The following LCOR variants were observed in gnomAD, a reference collection of about 807,000 sequenced individuals.
LCOR encodes ligand-dependent corepressor.
In LCOR, 14 loss-of-function variants were observed where a neutral mutation model predicts 64.4. The ratio of observed to expected loss-of-function variants is 0.22; its 90% CI spans 0.14 to 0.34. The LOEUF (loss-of-function observed/expected upper bound fraction) is 0.34. Ranked by LOEUF, LCOR falls within the 10% of genes least tolerant of loss-of-function variation. The pLI is 1.00. For synonymous variants in LCOR, 643 were observed against 642.5 expected (o/e 1.00, Z -0.01); for missense variants, 1,686 against 1,765.3 (o/e 0.96, Z 0.80).
intron 2 of LCOR, among the ~76,000 whole-genome samples, chr10:96,875,787 A>G (rs980631473): frequency 6.6e-6 from 1 of 151,978 alleles, no homozygotes; most frequent in African/African-American, 2.4e-5. Context: ...GCTTGAGCAC[A>G]GGAGGTTCAT....
intron 4 of LCOR, among the ~76,000 whole-genome samples, chr10:96,910,486 C>T (rs1846810839): frequency 1.3e-5 from 2 of 152,118 alleles, no homozygotes; most frequent in African/African-American, 4.8e-5. Context: ...TACAGTATTT[C>T]TTTAGTTGTG....
At chr10:96,914,152 A>G (rs990268177) in intron 4 of LCOR, among the ~76,000 whole-genome samples, 2 of 152,140 alleles carry the variant, frequency 1.3e-5, no homozygotes, top group African/African-American at 4.8e-5. Flanking sequence ...CAATTCGTGA[A>G]TATGCATTGT....
intron 7 of LCOR, among the ~76,000 whole-genome samples, chr10:96,978,251 C>T (rs1164819167): frequency 2.6e-5 from 4 of 152,220 alleles, no homozygotes; most frequent in Admixed American, 6.5e-5. Flanking sequence ...TGGAAATGTC[C>T]TAACAATCAC....
intron 7 of LCOR, chr10:96,959,197 C>A (rs1175265380): frequency 4.0e-5 from 6 of 151,750 alleles, no homozygotes; most frequent in Non-Finnish European, 7.4e-5. Context: ...GATGTCCTCA[C>A]AATGTGTAAT....
At chr10:96,948,717 C>T (rs1164834266) in intron 5 of LCOR, among the ~76,000 whole-genome samples, 1 of 152,092 alleles carries the variant, frequency 6.6e-6, no homozygotes, top group Non-Finnish European at 1.5e-5. Context: ...TTTGGGATTT[C>T]TGTATCAGGT....
chr10:96,882,171 A>AT, intron 2 of LCOR, among the ~76,000 whole-genome samples: 1 of 152,358 alleles, frequency 6.6e-6, no homozygotes, highest in South Asian at 2.1e-4. Flanking sequence ...ACAAAAAAAA[A>AT]GTGGGAAAAG....
At chr10:96,944,379 C>A in intron 5 of LCOR, 134 bp downstream of exon 5, 1 of 406,630 alleles carries the variant, frequency 2.5e-6, no homozygotes, top group Non-Finnish European at 3.3e-6. Context: ...TTCTATATAC[C>A]TTGGGTCAAG....
In LCOR at chr10:96,870,547, G is replaced by A. The variant is rs908386890; in HGVS notation, c.-329-36718G>A. ...AGATCTCATAGACTCTTCAGATCTT[G>A]TAGACTAATTTCAAGTCTTTTTAAA... On this transcript the variant is annotated intron_variant, in intron 2 of 7. Transcript: ENST00000421806. Among the ~76,000 whole-genome samples, 5 of 152,310 alleles carry A rather than the reference G, an allele frequency of 3.3e-5. No individual in the cohort carries two copies. In the South Asian group the frequency reaches 6.2e-4, roughly 19 times the overall value.
Position 96,983,464 on chromosome 10 carries a change from A to G in LCOR, c.3004A>G (p.Lys1002Glu). The change falls in exon 8 of 8, where the codon AAA becomes GAA. Residue 1002 changes from lysine (K) to glutamate (E), a missense_variant. Lys to Glu is a moderately conservative substitution (Grantham distance 56). This residue lies in a region of LCOR where 1,293 missense variants were observed against 1,410.4 expected (regional missense o/e 0.92). Coordinates refer to ENST00000421806, the MANE Select transcript of LCOR (RefSeq NM_001346516.2). The surrounding 1 kb of genome is among the most constrained non-coding windows in gnomAD (Gnocchi z 4.5). ...GGTAGACAACGAAAACACCCAGCAG[A>G]AAGATGATGAGAGTGATGCCCCATG... ...NEVDNENTQQKDDESDAPCSS... is the reference protein window; with the variant it reads ...NEVDNENTQQEDDESDAPCSS... 6.2e-7 allele frequency: 1 copy of G among 1,614,148 alleles called. No homozygotes were observed. Among genetic ancestry groups the G allele is most frequent in the Non-Finnish European group, 8.5e-7 (1 of 1,180,036 alleles).
chr10:96,958,119 AC>A (rs1167158059), intron 7 of LCOR: 2 of 1,161,310 alleles, frequency 1.7e-6, no homozygotes, highest in Non-Finnish European at 2.1e-6. Context: ...CAGCCATAGT[AC>A]CTTTTTGCGT....
At chr10:96,969,645 G>A (rs925597839) in intron 7 of LCOR, among the ~76,000 whole-genome samples, 1 of 152,124 alleles carries the variant, frequency 6.6e-6, no homozygotes, top group African/African-American at 2.4e-5. Flanking sequence ...GGAAGAAGTT[G>A]GGGACAATTA....
intron 2 of LCOR, among the ~76,000 whole-genome samples, chr10:96,889,279 G>C (rs1041205839): frequency 1.3e-5 from 2 of 152,020 alleles, no homozygotes; most frequent in African/African-American, 2.4e-5. Context: ...GCATATTTTT[G>C]AAGTTCATCC....
chr10:96,956,511 C>T, intron 7 of LCOR: 1 of 982,610 alleles, frequency 1.0e-6, no homozygotes, highest in Non-Finnish European at 1.2e-6. Context: ...TTTATAGTTA[C>T]ATTTTATAAT....
chr10:96,942,443 GT>G (rs1564633298), intron 4 of LCOR, among the ~76,000 whole-genome samples: 17 of 131,890 alleles, frequency 1.3e-4, no homozygotes, highest in South Asian at 7.3e-4. Flanking sequence ...GAAGGAGACC[GT>G]GGAGAGAGGG....
At chr10:96,911,200 C>T (rs1291480342) in intron 4 of LCOR, among the ~76,000 whole-genome samples, 1 of 148,834 alleles carries the variant, frequency 6.7e-6, no homozygotes, top group Admixed American at 6.9e-5. Context: ...TGGGTTCAAG[C>T]GATTCTCATG....
At chr10:96,901,376 A>G (rs1354945965) in intron 2 of LCOR, among the ~76,000 whole-genome samples, 2 of 152,140 alleles carry the variant, frequency 1.3e-5, no homozygotes, top group African/African-American at 2.4e-5. Context: ...CTGGTAGTCT[A>G]AATCTCTTTC....
chr10:96,906,230 A>G (rs1846725509), intron 2 of LCOR, among the ~76,000 whole-genome samples: 1 of 152,212 alleles, frequency 6.6e-6, no homozygotes, highest in Admixed American at 6.5e-5. Context: ...CACTTTTTAT[A>G]TTTACTTTAT....
At position 96,993,822 on chromosome 10, in the gene LCOR, A is replaced by G. The variant is rs933668354; in HGVS notation, c.*8688A>G. 2 of 151,296 alleles carry G rather than the reference A, an allele frequency of 1.3e-5. No individual in the cohort carries two copies. The highest frequency in any genetic ancestry group is 2.9e-5 in the Non-Finnish European group (2 of 67,908). 9.4% of individuals were successfully genotyped at this position (151,296 alleles called of 1,614,324 possible). On this transcript the variant is annotated 3_prime_UTR_variant, in exon 8 of 8. Transcript: ENST00000421806. ...CAGTGGTCAGTACTCAGATCTGCAG[A>G]GCAGATTTCCAGATGTTCTTTCTGA...
In LCOR at chr10:96,983,279, C is replaced by T; in HGVS notation, c.2819C>T (p.Pro940Leu). ...SRDPITTAGQ[P>L]LPGERLEIYV... ...GACCCCATAACCACAGCTGGACAGC[C>T]ACTGCCTGGAGAGAGATTGGAAATC... is the stretch of plus-strand genomic sequence containing the variant. The change falls in exon 8 of 8, where the codon CCA (proline) becomes CTA (leucine). Residue 940 changes from proline (P) to leucine (L), a missense_variant. Physicochemically the swap from Pro to Leu is moderately conservative, Grantham distance 98 (BLOSUM62 -3). This residue lies in a region of LCOR where 1,293 missense variants were observed against 1,410.4 expected (regional missense o/e 0.92). Transcript: ENST00000421806. This position sits in a 1 kb window ranked among gnomAD's most constrained non-coding sequence, Gnocchi z 4.5. The T allele has an allele frequency of 6.2e-7, 1 of 1,614,194 alleles. No individual in the cohort carries two copies. The highest frequency in any genetic ancestry group is 1.1e-5 in the South Asian group (1 of 91,082).
Sources: gnomAD v4.1 joint callset for allele counts (sites outside exome capture counted in the v4.1 genomes callset) on GRCh38, gnomAD v4.1.1 for gene constraint, gnomAD v4.1.1 regional missense constraint, Gnocchi (gnomAD v3.1) non-coding constraint, MANE v1.5 for transcripts, NCBI Gene and HGNC (gene_info 2026-07-23, HGNC 2026-07-21) for gene names.